GDAP1: variants seen among roughly 807,000 people sequenced by gnomAD.
The protein encoded by GDAP1 is ganglioside-induced differentiation-associated protein 1.
Under a neutral mutation model 40.1 loss-of-function variants are expected in GDAP1, and 34 were observed. The observed-to-expected ratio is 0.85, with a 90% confidence interval of 0.64 to 1.13. The LOEUF (loss-of-function observed/expected upper bound fraction) is 1.13, where lower values mean the gene tolerates loss of function less well. Ranked by LOEUF, GDAP1 falls within the 50% of genes most tolerant of loss-of-function variation. The pLI is 0.00. For missense variants in GDAP1, 374 were observed against 433.7 expected (o/e 0.86, Z 1.22); for synonymous variants, 170 against 157.4 (o/e 1.08, Z -0.60).
intron 2 of GDAP1, among the ~76,000 whole-genome samples, chr8:74,486,632 C>T (rs1806779634): frequency 6.6e-6 from 1 of 152,182 alleles, no homozygotes; most frequent in South Asian, 2.1e-4. Flanking sequence ...AGTTATGAAG[C>T]ACAGTGGCTT....
intron 2 of GDAP1, among the ~76,000 whole-genome samples, chr8:74,469,525 G>A (rs1464874738): frequency 6.6e-6 from 1 of 151,774 alleles, no homozygotes; most frequent in Non-Finnish European, 1.5e-5. Context: ...AAAATTAGCC[G>A]GGCGCGGTGG....
rs896761144 is a variant in GDAP1 at position 74,449,470 on chromosome 8, T to G, written c.166-39208T>G. Among the ~76,000 whole-genome samples the G allele has an allele frequency of 2.0e-5, 3 of 151,986 alleles. No individual in the cohort carries two copies. The South Asian group carries it at 6.2e-4, about 31-fold the overall frequency. On this transcript the variant is annotated intron_variant, in intron 2 of 2. Coordinates refer to the GDAP1 transcript ENST00000523640. ...TTCAAATTCATGAACATGGTATATA[T>G]CTTCATTTATTTAGGTCTTAGATTT...
At chr8:74,448,545 A>T (rs1011529151) in intron 2 of GDAP1, among the ~76,000 whole-genome samples, 2 of 152,232 alleles carry the variant, frequency 1.3e-5, no homozygotes, top group Middle Eastern at 3.4e-3. Flanking sequence ...CACTCTCCCT[A>T]GTAGTGAATG....
intron 2 of GDAP1, among the ~76,000 whole-genome samples, chr8:74,388,923 C>T (rs1444558486): frequency 6.6e-6 from 1 of 152,154 alleles, no homozygotes; most frequent in Non-Finnish European, 1.5e-5. Context: ...GATCCCTTTA[C>T]CATTATGTAA....
rs191717821 is a variant in GDAP1 at position 74,391,774 on chromosome 8, A to C, written c.165+40453A>C. On this transcript the variant is annotated intron_variant, in intron 2 of 2. Coordinates refer to the GDAP1 transcript ENST00000523640. The stretch of plus-strand genomic sequence containing the variant: ...AGGACATAGCAAAATATATAAAGGT[A>C]CATCTGTTACATTCACATATTTATT... Among the ~76,000 whole-genome samples the C allele has an allele frequency of 5.9e-4, 90 of 152,290 alleles. 1 individual carries two copies. The highest frequency in any genetic ancestry group is 2.0e-3 in the African/African-American group (84 of 41,568).
chr8:74,400,368 G>A lies in GDAP1; in HGVS notation c.165+49047G>A, dbSNP rs183744855. ...GTCTGTTTTATCTGAGACTAGGATT[G>A]CAACCCCTGCCTTTTTTTTTGTTTT... On this transcript the variant is annotated intron_variant, in intron 2 of 2. Coordinates refer to the GDAP1 transcript ENST00000523640. Among the ~76,000 whole-genome samples, 923 of 149,812 alleles carry A rather than the reference G, an allele frequency of 6.2e-3. 99 individuals carry two copies. The highest frequency in any genetic ancestry group is 0.022 in the African/African-American group (861 of 39,192).
At chr8:74,387,163 AC>A (rs1484488650) in intron 2 of GDAP1, among the ~76,000 whole-genome samples, 4 of 152,172 alleles carry the variant, frequency 2.6e-5, no homozygotes, top group Non-Finnish European at 5.9e-5. Context: ...CTATTTGAAT[AC>A]CGTTTATTTC....
intron 2 of GDAP1, among the ~76,000 whole-genome samples, chr8:74,421,409 A>G (rs1472670001): frequency 1.3e-5 from 2 of 152,162 alleles, no homozygotes; most frequent in Admixed American, 6.6e-5. Context: ...AAAGGAAACA[A>G]TCAGAGAACT....
At chr8:74,431,719 G>C (rs1260652727) in intron 2 of GDAP1, among the ~76,000 whole-genome samples, 1 of 151,916 alleles carries the variant, frequency 6.6e-6, no homozygotes, top group Non-Finnish European at 1.5e-5. Context: ...CTGACCTCGT[G>C]ATCTGCCTGC....
At chr8:74,435,218 A>C (rs942074473) in intron 2 of GDAP1, among the ~76,000 whole-genome samples, 5 of 152,226 alleles carry the variant, frequency 3.3e-5, no homozygotes, top group African/African-American at 1.2e-4. Flanking sequence ...AAGTAATGAA[A>C]AGACAATCTT....
At chr8:74,391,628 C>T (rs1810111061) in intron 2 of GDAP1, among the ~76,000 whole-genome samples, 2 of 151,942 alleles carry the variant, frequency 1.3e-5, no homozygotes, top group African/African-American at 4.8e-5. Context: ...ACTATTCGGC[C>T]ATCTTGCCAG....
In GDAP1 at chr8:74,358,784, T is replaced by C. The variant is rs559071837; in HGVS notation, c.311-1353T>C. On this transcript the variant is annotated intron_variant, in intron 2 of 5. Coordinates refer to ENST00000220822, the MANE Select transcript of GDAP1 (RefSeq NM_018972.4). ...GCGCTTAGGGGTTTATGAATAGAAT[T>C]CAGGAGATTTGAGATCTTGGATAGG... 2.6e-4 allele frequency among the ~76,000 whole-genome samples: 39 copies of C among 152,276 alleles called. 1 individual carries two copies. In the South Asian group the frequency reaches 8.1e-3, roughly 32 times the overall value.
chr8:74,409,757 A>C lies in GDAP1; in HGVS notation c.165+58436A>C, dbSNP rs1002309827. Among the ~76,000 whole-genome samples, 7 of 149,880 alleles carry C rather than the reference A, an allele frequency of 4.7e-5. 1 individual carries two copies. The highest frequency in any genetic ancestry group is 1.5e-4 in the African/African-American group (6 of 39,260). On this transcript the variant is annotated intron_variant, in intron 2 of 2. Coordinates refer to the GDAP1 transcript ENST00000523640. ...CTGGACAATGAGATGCCAGATCCCC[A>C]CCTATCATGATTGCCTAAGCAACCA...
intron 2 of GDAP1, among the ~76,000 whole-genome samples, chr8:74,408,893 A>G (rs1466069832): frequency 1.3e-5 from 2 of 150,016 alleles, no homozygotes; most frequent in Non-Finnish European, 2.9e-5. Flanking sequence ...CCAGGCTCTA[A>G]ACAAAGGTAT....
chr8:74,408,606 A>G (rs539693757), intron 2 of GDAP1, among the ~76,000 whole-genome samples: 55 of 149,810 alleles, frequency 3.7e-4, no homozygotes, highest in Non-Finnish European at 7.8e-4. Flanking sequence ...TTGATCTTGG[A>G]GTTGTCAGCC....
At chr8:74,351,692 AATGTT>A (rs1465729268) in intron 2 of GDAP1, among the ~76,000 whole-genome samples, 2 of 149,506 alleles carry the variant, frequency 1.3e-5, no homozygotes, top group African/African-American at 2.4e-5. Context: ...GCAAAATACA[AATGTT>A]AATGTTGAAA....
chr8:74,394,295 G>A (rs1810159488), intron 2 of GDAP1, among the ~76,000 whole-genome samples: 1 of 152,156 alleles, frequency 6.6e-6, no homozygotes, highest in South Asian at 2.1e-4. Context: ...CTCCCACTGG[G>A]TCCCTCCCAT....
intron 2 of GDAP1, among the ~76,000 whole-genome samples, chr8:74,402,001 G>A (rs559403473): frequency 6.7e-6 from 1 of 150,302 alleles, no homozygotes; most frequent in South Asian, 2.1e-4. Flanking sequence ...AGGGGTCAGG[G>A]GTCAGGGACC....
chr8:74,451,806 C>T (rs1806297792), intron 2 of GDAP1, among the ~76,000 whole-genome samples: 1 of 80,206 alleles, frequency 1.2e-5, no homozygotes, highest in African/African-American at 5.5e-5. Context: ...GTCATTCCTA[C>T]TGATGTAACC....
Sources: gnomAD v4.1 joint callset for allele counts (sites outside exome capture counted in the v4.1 genomes callset) on GRCh38, gnomAD v4.1.1 for gene constraint, MANE v1.5 for transcripts, NCBI Gene and HGNC (gene_info 2026-07-23, HGNC 2026-07-21) for gene names.